Variants in NAP1L1 observed in about 807,000 individuals in gnomAD.
NAP1L1 encodes the protein nucleosome assembly protein 1-like 1.
A neutral mutation model predicts 58.9 loss-of-function variants in NAP1L1; 9 were observed. That is an observed-to-expected ratio of 0.15 (90% confidence interval 0.09 to 0.27). The LOEUF (loss-of-function observed/expected upper bound fraction) is 0.27, where lower values mean the gene tolerates loss of function less well. NAP1L1 is among the 10% of genes least tolerant of loss of function. The pLI, the probability that NAP1L1 is intolerant of heterozygous loss-of-function variation, is 1.00. For synonymous variants in NAP1L1, 130 were observed against 138.3 expected, an observed-to-expected ratio of 0.94 and a Z score of 0.42; for missense variants, 302 against 458.8, an observed-to-expected ratio of 0.66 and a Z score of 3.12.
Position 76,057,705 on chromosome 12 carries a change from A to G in NAP1L1, c.430-1544T>C, listed in dbSNP as rs879024719. ...CTGATGTTGCTAAATGTAGACAATG[A>G]TTAGAGAAGAATTTTCCAAATGAAT... On this transcript the variant is annotated intron_variant, in intron 6 of 14. Coordinates refer to ENST00000618691, the MANE Select transcript of NAP1L1 (RefSeq NM_004537.7). 3.9e-6 allele frequency: 6 copies of G among 1,528,920 alleles called. No homozygotes were observed. The Admixed American group carries it at 5.9e-5, about 15-fold the overall frequency. The allele number at this position is 1,528,920 out of a possible 1,614,324, so 94.7% of individuals were successfully genotyped here. A position where few individuals can be genotyped will look rare whatever the true frequency, so the allele number is the denominator to read the frequency against.
At chr12:76,050,462 AATCT>A in intron 12 of NAP1L1, 65 bp downstream of exon 12, 1 of 1,507,870 alleles carries the variant, frequency 6.6e-7, no homozygotes, top group Non-Finnish European at 8.8e-7. Context: ...AAACTAAACT[AATCT>A]ATTACCAATT....
chr12:76,052,941 G>C, intron 11 of NAP1L1, 150 bp downstream of exon 11: 1 of 611,702 alleles, frequency 1.6e-6, no homozygotes, highest in Non-Finnish European at 2.7e-6. Flanking sequence ...ATTTTGAATG[G>C]AATTATTTTT....
chr12:76,052,378 G>A (rs1177273863), intron 11 of NAP1L1, among the ~76,000 whole-genome samples: 1 of 152,128 alleles, frequency 6.6e-6, no homozygotes, highest in Admixed American at 6.5e-5. Flanking sequence ...AATTCACACT[G>A]CTTTATGTTC....
intron 6 of NAP1L1, 93 bp downstream of exon 6, chr12:76,059,705 T>C (rs951516477): frequency 1.2e-6 from 1 of 838,682 alleles, no homozygotes; most frequent in African/African-American, 1.8e-5. Flanking sequence ...ACTGGTTATA[T>C]AATATTGTAC....
Position 76,038,775 on chromosome 12 carries a change from A to T in NAP1L1, c.*9654T>A, listed in dbSNP as rs1028849159. On this transcript the variant is annotated 3_prime_UTR_variant, in exon 15 of 15. Transcript: ENST00000618691. ...TGCCACTAAACCTACCAGAAAAAGA[A>T]ATCCCATTAGAACCGCCCCCATCAC... 1 of 152,174 alleles carries T rather than the reference A, an allele frequency of 6.6e-6. No homozygotes were observed. The highest frequency in any genetic ancestry group is 1.5e-5 in the Non-Finnish European group (1 of 68,032). 9.4% of individuals were successfully genotyped at this position (152,174 alleles called of 1,614,324 possible).
intron 4 of NAP1L1, among the ~76,000 whole-genome samples, chr12:76,060,645 T>C (rs1201115472): frequency 6.6e-6 from 1 of 152,132 alleles, no homozygotes; most frequent in Non-Finnish European, 1.5e-5. Context: ...TACAAGTTAT[T>C]AGGAAAAAGG....
intron 3 of NAP1L1, 52 bp from the exon 4 acceptor site, chr12:76,067,525 CTTT>C (rs1565736744): frequency 3.5e-6 from 5 of 1,423,502 alleles, no homozygotes; most frequent in African/African-American, 2.8e-5. Flanking sequence ...ATGTATTATG[CTTT>C]TTTAATAGGA....
At chr12:76,064,681 A>T (rs868736797) in intron 4 of NAP1L1, among the ~76,000 whole-genome samples, 1 of 152,216 alleles carries the variant, frequency 6.6e-6, no homozygotes, top group Middle Eastern at 3.4e-3. Flanking sequence ...TGAAAACCAG[A>T]TTTTTAAAAC....
chr12:76,050,037 T>C (rs1481067095), intron 12 of NAP1L1, among the ~76,000 whole-genome samples: 4 of 152,166 alleles, frequency 2.6e-5, no homozygotes, highest in Non-Finnish European at 5.9e-5. Context: ...ACTGTAAATA[T>C]TACTCACCTA....
At chr12:76,083,390 G>A (rs1425462630) in intron 1 of NAP1L1, among the ~76,000 whole-genome samples, 1 of 146,776 alleles carries the variant, frequency 6.8e-6, no homozygotes, top group Non-Finnish European at 1.5e-5. Flanking sequence ...GGGGTGGTCC[G>A]ATCTTTTGGC....
At position 76,048,178 on chromosome 12, in the gene NAP1L1, C is replaced by A; in HGVS notation, c.*251G>T. 1 of 427,864 alleles carries A rather than the reference C, an allele frequency of 2.3e-6. No individual in the cohort carries two copies. Among genetic ancestry groups the A allele is most frequent in the Non-Finnish European group, 4.1e-6 (1 of 242,110 alleles). The allele number at this position is 427,864 out of a possible 1,614,324, so 26.5% of individuals were successfully genotyped here. A position where few individuals can be genotyped will look rare whatever the true frequency, so the allele number is the denominator to read the frequency against. On this transcript the variant is annotated 3_prime_UTR_variant, in exon 15 of 15. Transcript: ENST00000618691. ...ACTCCAAGAGCTACATAAAAATATTCCAGAAGAACCAAATTATGTAGCAAT... is the reference window on the plus strand; with the variant it reads ...ACTCCAAGAGCTACATAAAAATATTACAGAAGAACCAAATTATGTAGCAAT...
intron 1 of NAP1L1, among the ~76,000 whole-genome samples, chr12:76,081,137 T>C (rs1950391017): frequency 4.6e-5 from 7 of 152,184 alleles, no homozygotes; most frequent in Admixed American, 4.6e-4. Context: ...AATGAACTAA[T>C]ATTCATGCTG....
intron 1 of NAP1L1, among the ~76,000 whole-genome samples, chr12:76,078,647 T>C (rs1950287800): frequency 6.6e-6 from 1 of 152,130 alleles, no homozygotes; most frequent in Admixed American, 6.6e-5. Context: ...AAACTAGAAC[T>C]TCTAGAAATA....
At chr12:76,049,540 A>C in intron 13 of NAP1L1, 1 of 1,534,464 alleles carries the variant, frequency 6.5e-7, no homozygotes, top group South Asian at 1.2e-5. Context: ...AGCAGAACAA[A>C]ATTATTTGAA....
rs758104500 is a variant in NAP1L1 at position 76,068,933 on chromosome 12, T to C, written c.79A>G (p.Thr27Ala). 3.1e-6 allele frequency: 5 copies of C among 1,613,100 alleles called. 1 individual carries two copies. The highest frequency in any genetic ancestry group is 4.5e-5 in the East Asian group (2 of 44,866). The change falls in exon 3 of 15, where the codon ACT (threonine) becomes GCT (alanine). Residue 27 changes from threonine (T) to alanine (A), a missense_variant. Thr to Ala is a moderately conservative substitution (Grantham distance 58). Transcript: ENST00000618691. ...DDVEEVEEEETGEETKLKARQ... is the reference protein window; with the variant it reads ...DDVEEVEEEEAGEETKLKARQ... ...CCTTTGAGTTTTGTTTCTTCACCAGTTTCCTCTTCTTCTACTTCTTCAACA... is the reference window on the plus strand; with the variant it reads ...CCTTTGAGTTTTGTTTCTTCACCAGCTTCCTCTTCTTCTACTTCTTCAACA...
In NAP1L1 at chr12:76,048,423, C is replaced by T; in HGVS notation, c.*6G>A. ...AGGTTATCCTCAAGGCCACATACATCCTGCTTCACTGCTGCTTGCACTCTG... is the reference window on the plus strand; with the variant it reads ...AGGTTATCCTCAAGGCCACATACATTCTGCTTCACTGCTGCTTGCACTCTG... On this transcript the variant is annotated 3_prime_UTR_variant, in exon 15 of 15. Transcript: ENST00000618691. 1 of 1,613,334 alleles carries T rather than the reference C, an allele frequency of 6.2e-7. No homozygotes were observed. The highest frequency in any genetic ancestry group is 8.5e-7 in the Non-Finnish European group (1 of 1,179,612).
intron 11 of NAP1L1, among the ~76,000 whole-genome samples, chr12:76,051,635 G>A (rs889881556): frequency 6.6e-6 from 1 of 152,120 alleles, no homozygotes; most frequent in Non-Finnish European, 1.5e-5. Flanking sequence ...GAGCAGCTGG[G>A]ACTACAGGTG....
In NAP1L1 at chr12:76,040,266, GTTGTT is replaced by G. The variant is rs1948540374; in HGVS notation, c.*8158_*8162del. ...TGTTTTAAGCCATTAAGTTTTGGAG[GTTGTT>G]TTGTTATGCAGTACTAGGTAACTGC... is the stretch of plus-strand genomic sequence containing the variant. On this transcript the variant is annotated 3_prime_UTR_variant, in exon 15 of 15. Transcript: ENST00000618691. 6.6e-6 allele frequency: 1 copy of G among 152,076 alleles called. No homozygotes were observed. The highest frequency in any genetic ancestry group is 1.5e-5 in the Non-Finnish European group (1 of 68,004). The allele number at this position is 152,076 out of a possible 1,614,324, so 9.4% of individuals were successfully genotyped here. A position where few individuals can be genotyped will look rare whatever the true frequency, so the allele number is the denominator to read the frequency against.
At chr12:76,052,528 T>G (rs7961361) in intron 11 of NAP1L1, among the ~76,000 whole-genome samples, 84,346 of 152,058 alleles carry the variant, frequency 0.55, 24,987 homozygotes, top group East Asian at 0.96. Flanking sequence ...TACAAACTAT[T>G]TAAACTATCT....
Sources: allele counts gnomAD v4.1 joint callset (sites outside exome capture counted in the v4.1 genomes callset), GRCh38; gene constraint gnomAD v4.1.1; transcripts MANE v1.5; gene names NCBI Gene and HGNC (gene_info 2026-07-23, HGNC 2026-07-21).